The following CELF4 variants were observed in gnomAD, a reference collection of about 807,000 sequenced individuals.
CELF4 encodes CUG-BP- and ETR-3-like factor 4.
CELF4 carries 18 observed loss-of-function variants against 59.9 expected under a neutral mutation model. The observed-to-expected ratio is 0.30, with a 90% CI of 0.21 to 0.45. CELF4 has a LOEUF of 0.45. CELF4 is among the 20% of genes least tolerant of loss of function. The probability of loss-of-function intolerance (pLI) is 1.00; values close to 1 mark genes in which losing one functional copy is unlikely to be tolerated. For synonymous variants in CELF4, 261 were observed against 267.1 expected, an observed-to-expected ratio of 0.98 and a Z score of 0.22; for missense variants, 456 against 689.0, an observed-to-expected ratio of 0.66 and a Z score of 3.79.
intron 2 of CELF4, among the ~76,000 whole-genome samples, chr18:37,478,357 T>G (rs1309783460): frequency 6.6e-6 from 1 of 152,198 alleles, no homozygotes; most frequent in Non-Finnish European, 1.5e-5. Flanking sequence ...TCTTGTTTGT[T>G]TATTTCCTTC....
chr18:37,363,534 A>T (rs2098736963), intron 2 of CELF4, among the ~76,000 whole-genome samples: 1 of 152,186 alleles, frequency 6.6e-6, no homozygotes, highest in African/African-American at 2.4e-5. Context: ...GGCAGGTGGC[A>T]GACGTTACCA....
chr18:37,485,469 C>T (rs1283031221), intron 2 of CELF4, 56 bp downstream of exon 2: 6 of 1,147,422 alleles, frequency 5.2e-6, no homozygotes, highest in African/African-American at 1.6e-5. Context: ...CCCGGCCTCC[C>T]GAAGTCGCCC....
At chr18:37,257,180 C>T (rs542217741) in intron 11 of CELF4, among the ~76,000 whole-genome samples, 1 of 152,160 alleles carries the variant, frequency 6.6e-6, no homozygotes, top group Non-Finnish European at 1.5e-5. Flanking sequence ...TTTGGAAAGC[C>T]GGACTGCACC....
chr18:37,427,485 G>A (rs1026540298), intron 2 of CELF4, among the ~76,000 whole-genome samples: 1 of 152,118 alleles, frequency 6.6e-6, no homozygotes, highest in Non-Finnish European at 1.5e-5. Context: ...GAACTGTGGG[G>A]GAAGCCAACT....
Position 37,243,803 on chromosome 18 carries a change from G to C in CELF4, c.*1439C>G, listed in dbSNP as rs2061061350. On this transcript the variant is annotated 3_prime_UTR_variant, in exon 13 of 13. Coordinates refer to ENST00000420428, the MANE Select transcript of CELF4 (RefSeq NM_020180.4). ...AGTTGTTTTAAGATGAAAGTTCCCA[G>C]TTCTCCCTTGCCCGGAAAGTCTCTG... 3 of 161,068 alleles carry C rather than the reference G, an allele frequency of 1.9e-5. No homozygotes were observed. The South Asian group carries it at 5.6e-4, about 30-fold the overall frequency. 10.0% of individuals were successfully genotyped at this position (161,068 alleles called of 1,614,324 possible).
At chr18:37,434,455 CA>C (rs2099682492) in intron 2 of CELF4, among the ~76,000 whole-genome samples, 3 of 152,174 alleles carry the variant, frequency 2.0e-5, no homozygotes, top group South Asian at 4.1e-4. Context: ...CTTCATGGGG[CA>C]AAAGCGCTTC....
At chr18:37,418,304 C>T (rs1017212913) in intron 2 of CELF4, among the ~76,000 whole-genome samples, 13 of 152,152 alleles carry the variant, frequency 8.5e-5, no homozygotes, top group African/African-American at 1.9e-4. Flanking sequence ...TGGTCAAGCA[C>T]GGGCAGGTCT....
chr18:37,333,784 GCATCCATCCATCCATC>G (rs59559131), intron 2 of CELF4, among the ~76,000 whole-genome samples: 2 of 150,012 alleles, frequency 1.3e-5, no homozygotes, highest in African/African-American at 4.9e-5. Context: ...CTCCATCCAT[GCATCCATCCATCCATC>G]CATCCATCCA....
intron 10 of CELF4, among the ~76,000 whole-genome samples, chr18:37,262,360 C>T (rs554924959): frequency 7.9e-4 from 119 of 151,150 alleles, no homozygotes; most frequent in African/African-American, 2.6e-3. Context: ...GGACTGGCCA[C>T]AGAGGGCCTA....
At chr18:37,258,135 GA>G (rs755170247) in intron 11 of CELF4, among the ~76,000 whole-genome samples, 14 of 152,180 alleles carry the variant, frequency 9.2e-5, no homozygotes, top group Middle Eastern at 3.4e-3. Context: ...CATACTTCTG[GA>G]TGCTTTCGAG....
intron 1 of CELF4, among the ~76,000 whole-genome samples, chr18:37,487,634 C>T (rs1040217798): frequency 1.3e-5 from 2 of 152,180 alleles, no homozygotes; most frequent in Non-Finnish European, 2.9e-5. Flanking sequence ...TCTTTCCTCC[C>T]GTCCCCTTGT....
At chr18:37,500,491 T>C (rs188241248) in intron 1 of CELF4, among the ~76,000 whole-genome samples, 1 of 151,784 alleles carries the variant, frequency 6.6e-6, no homozygotes, top group East Asian at 2.0e-4. Flanking sequence ...AGTTTACCCC[T>C]TCTCTTTGCC....
In CELF4 at chr18:37,264,681, C is replaced by A; in HGVS notation, c.1242G>T (p.Gln414His). The change falls in exon 10 of 13, where the codon CAG becomes CAT. Residue 414 changes from glutamine to histidine, a missense_variant. Gln to His is a conservative substitution (Grantham distance 24). Transcript: ENST00000420428. ...PQPPPMIPQQ[Q>H]REGPEGCNLF... ...GCTGGCCTGCAGACTCACCTTCTCT[C>A]TGCTGCTGGGGGATCATTGGAGGCG... 1.3e-6 allele frequency: 2 copies of A among 1,574,584 alleles called. No homozygotes were observed. The highest frequency in any genetic ancestry group is 2.3e-5 in the East Asian group (1 of 43,062).
intron 2 of CELF4, among the ~76,000 whole-genome samples, chr18:37,323,620 T>C (rs985560005): frequency 2.0e-5 from 3 of 152,112 alleles, no homozygotes; most frequent in Non-Finnish European, 4.4e-5. Context: ...CATGTCCTCC[T>C]GGAATGCCCC....
At chr18:37,274,539 C>T (rs1205239272) in intron 5 of CELF4, 85 bp from the exon 6 acceptor site, 1 of 1,599,036 alleles carries the variant, frequency 6.3e-7, no homozygotes, top group East Asian at 2.2e-5. Flanking sequence ...GCCCACCCCG[C>T]CCGCTCCTCG....
intron 3 of CELF4, among the ~76,000 whole-genome samples, chr18:37,285,805 C>G (rs1262260431): frequency 6.6e-6 from 1 of 152,160 alleles, no homozygotes; most frequent in Non-Finnish European, 1.5e-5. Flanking sequence ...GGCGCGCAGC[C>G]ATCTCTCCAG....
chr18:37,424,259 C>A (rs2099598380), intron 2 of CELF4, among the ~76,000 whole-genome samples: 1 of 152,094 alleles, frequency 6.6e-6, no homozygotes, highest in African/African-American at 2.4e-5. Context: ...GTAGACTTTA[C>A]CCTGAATGAC....
At chr18:37,334,256 C>T (rs1218873757) in intron 2 of CELF4, among the ~76,000 whole-genome samples, 1 of 152,240 alleles carries the variant, frequency 6.6e-6, no homozygotes, top group African/African-American at 2.4e-5. Flanking sequence ...CACTGGGCAA[C>T]TCAAGCCCAT....
At chr18:37,375,269 T>C (rs2098954539) in intron 2 of CELF4, among the ~76,000 whole-genome samples, 1 of 152,204 alleles carries the variant, frequency 6.6e-6, no homozygotes, top group Non-Finnish European at 1.5e-5. Flanking sequence ...ACTTTGTGTG[T>C]TGGGAGGGGG....
Sources: allele counts gnomAD v4.1 joint callset (sites outside exome capture counted in the v4.1 genomes callset), GRCh38; gene constraint gnomAD v4.1.1; transcripts MANE v1.5; gene names NCBI Gene and HGNC (gene_info 2026-07-23, HGNC 2026-07-21).